The following COMMD1 variants were observed in gnomAD, a reference collection of about 807,000 sequenced individuals.
COMMD1 encodes the protein COMM domain-containing protein 1.
A neutral mutation model predicts 17.2 loss-of-function variants in COMMD1; 10 were observed. The observed-to-expected ratio is 0.58, with a 90% confidence interval of 0.36 to 0.99. COMMD1 has a LOEUF of 0.99. Among genes scored for constraint, COMMD1 ranks in the 50% least tolerant of loss-of-function variants. COMMD1 has a pLI of 0.01. For synonymous variants in COMMD1, 97 were observed against 91.6 expected (o/e 1.06, Z -0.34); for missense variants, 270 against 231.8 (o/e 1.17, Z -1.07).
At chr2:61,970,623 A>G (rs987358771) in intron 1 of COMMD1, among the ~76,000 whole-genome samples, 9 of 152,218 alleles carry the variant, frequency 5.9e-5, no homozygotes, top group Non-Finnish European at 1.3e-4. Context: ...TGGCCCTCAG[A>G]TGGTTGAATT....
At chr2:62,015,641 G>A (rs1669419344) in intron 2 of COMMD1, among the ~76,000 whole-genome samples, 1 of 148,652 alleles carries the variant, frequency 6.7e-6, no homozygotes, top group Non-Finnish European at 1.5e-5. Flanking sequence ...GTTTTTTGCA[G>A]TACATGAAGT....
rs569857028 is a variant in COMMD1 at position 61,964,154 on chromosome 2, C to G, written c.181-36547C>G. 6.6e-5 allele frequency among the ~76,000 whole-genome samples: 10 copies of G among 152,312 alleles called. No individual in the cohort carries two copies. The East Asian group carries it at 1.9e-3, about 29-fold the overall frequency. ...CTTGCTTCTTAGCTGCCATAGCAAT[C>G]ATATCACTTAAATGTTGCAAGAATT... On this transcript the variant is annotated intron_variant, in intron 1 of 2. Coordinates refer to ENST00000311832, the MANE Select transcript of COMMD1 (RefSeq NM_152516.4).
intron 2 of COMMD1, among the ~76,000 whole-genome samples, chr2:62,094,980 T>G (rs1479868218): frequency 2.0e-5 from 3 of 152,196 alleles, no homozygotes; most frequent in Non-Finnish European, 4.4e-5. Flanking sequence ...GTTTAGAGAT[T>G]ATTGCCACCA....
chr2:61,888,824 G>A lies in COMMD1; in HGVS notation n.101G>A, dbSNP rs964336591. The A allele has an allele frequency of 4.5e-4, 184 of 409,266 alleles. 2 individuals carry two copies. The highest frequency in any genetic ancestry group is 6.4e-4 in the Middle Eastern group (1 of 1,556). 25.4% of individuals were successfully genotyped at this position (409,266 alleles called of 1,614,324 possible). A position where few individuals can be genotyped will look rare whatever the true frequency, so the allele number is the denominator to read the frequency against. On this transcript the variant is annotated non_coding_transcript_exon_variant, in exon 1 of 3. Coordinates refer to the COMMD1 transcript ENST00000472729. Reference sequence around the variant, plus strand: ...TTACGCGAGGCAGCAATGACAACGCGCGATTTTAAAGGCGAGTGGTGAGGA... The same window carrying A: ...TTACGCGAGGCAGCAATGACAACGCACGATTTTAAAGGCGAGTGGTGAGGA...
chr2:62,077,021 C>T (rs1294133427), intron 2 of COMMD1, among the ~76,000 whole-genome samples: 3 of 152,146 alleles, frequency 2.0e-5, no homozygotes, highest in Non-Finnish European at 2.9e-5. Context: ...GCCCCAGCTA[C>T]TTGGGAGGCT....
intron 2 of COMMD1, among the ~76,000 whole-genome samples, chr2:62,010,172 ATAG>A (rs1669240226): frequency 6.6e-6 from 1 of 152,190 alleles, no homozygotes; most frequent in African/African-American, 2.4e-5. Context: ...GTTTTAAATA[ATAG>A]TCTTGAGATT....
upstream of COMMD1, among the ~76,000 whole-genome samples, chr2:61,905,171 G>C: frequency 6.6e-6 from 1 of 152,144 alleles, no homozygotes; most frequent in East Asian, 1.9e-4. Flanking sequence ...TAGCTGGAAA[G>C]ACAAGTGTAT....
At chr2:62,033,741 A>G (rs1669970089) in intron 2 of COMMD1, among the ~76,000 whole-genome samples, 1 of 152,202 alleles carries the variant, frequency 6.6e-6, no homozygotes, top group South Asian at 2.1e-4. Context: ...AGCACATTAG[A>G]GAGGGTGAAA....
At chr2:62,062,470 C>T (rs113756734) in intron 2 of COMMD1, among the ~76,000 whole-genome samples, 37 of 152,168 alleles carry the variant, frequency 2.4e-4, no homozygotes, top group African/African-American at 8.4e-4. Flanking sequence ...TCAGGTGATC[C>T]ACTCAGCTCG....
chr2:62,030,535 A>C (rs1215660315), intron 2 of COMMD1, among the ~76,000 whole-genome samples: 1 of 152,158 alleles, frequency 6.6e-6, no homozygotes, highest in Non-Finnish European at 1.5e-5. Context: ...GACATTGCCA[A>C]GTGTCTCCTG....
At chr2:62,112,453 T>G (rs1417199502) in intron 2 of COMMD1, among the ~76,000 whole-genome samples, 1 of 152,218 alleles carries the variant, frequency 6.6e-6, no homozygotes, top group African/African-American at 2.4e-5. Flanking sequence ...ACATGACTGT[T>G]TGTCACTATT....
intron 1 of COMMD1, among the ~76,000 whole-genome samples, chr2:61,894,666 G>GAT (rs912183789): frequency 2.5e-4 from 38 of 149,450 alleles, no homozygotes; most frequent in Admixed American, 1.5e-3. Flanking sequence ...ATAGAATGAT[G>GAT]ATATATATAT....
chr2:61,957,087 C>CGGGT (rs71410906), intron 1 of COMMD1, among the ~76,000 whole-genome samples: 1 of 146,792 alleles, frequency 6.8e-6, no homozygotes, highest in African/African-American at 2.5e-5. Flanking sequence ...AAGATGGATG[C>CGGGT]GTGTGTGTGT....
chr2:62,061,980 A>T, intron 2 of COMMD1, among the ~76,000 whole-genome samples: 1 of 82,134 alleles, frequency 1.2e-5, no homozygotes, highest in African/African-American at 6.6e-5. Flanking sequence ...ATAGACAGTT[A>T]CAGCAAAAAA....
chr2:61,955,965 G>T (rs992900900), intron 1 of COMMD1, among the ~76,000 whole-genome samples: 1 of 152,210 alleles, frequency 6.6e-6, no homozygotes, highest in Non-Finnish European at 1.5e-5. Flanking sequence ...GGGATCACAG[G>T]CATGAGCCAC....
chr2:62,080,135 G>A (rs1368155542), intron 2 of COMMD1, among the ~76,000 whole-genome samples: 2 of 152,090 alleles, frequency 1.3e-5, no homozygotes, highest in African/African-American at 4.8e-5. Context: ...TCCGAAGAAT[G>A]TCCACAAAGA....
At chr2:62,021,126 G>A (rs1669602286) in intron 2 of COMMD1, among the ~76,000 whole-genome samples, 1 of 152,116 alleles carries the variant, frequency 6.6e-6, no homozygotes, top group Non-Finnish European at 1.5e-5. Flanking sequence ...TCTCACCAAG[G>A]TTGAATTTTA....
intron 1 of COMMD1, among the ~76,000 whole-genome samples, chr2:61,974,165 G>T (rs565236599): frequency 6.6e-6 from 1 of 152,286 alleles, no homozygotes; most frequent in East Asian, 1.9e-4. Context: ...GTGGTGGCAT[G>T]CCTTTGTAAT....
intron 1 of COMMD1, among the ~76,000 whole-genome samples, chr2:61,984,555 T>C (rs1467577055): frequency 6.6e-6 from 1 of 152,252 alleles, no homozygotes; most frequent in Non-Finnish European, 1.5e-5. Flanking sequence ...GAATATTTTT[T>C]AGACTTGGCT....
Sources: gnomAD v4.1 joint callset for allele counts (sites outside exome capture counted in the v4.1 genomes callset) on GRCh38, gnomAD v4.1.1 for gene constraint, MANE v1.5 for transcripts, NCBI Gene and HGNC (gene_info 2026-07-23, HGNC 2026-07-21) for gene names.